CNTN5: variants seen among roughly 807,000 people sequenced by gnomAD.
CNTN5 encodes the protein contactin 5.
A neutral mutation model predicts 129.1 loss-of-function variants in CNTN5; 77 were observed. That is an observed-to-expected ratio of 0.60 (90% CI 0.50 to 0.72). The LOEUF (loss-of-function observed/expected upper bound fraction) is 0.72, where lower values mean the gene tolerates loss of function less well. CNTN5 is among the 30% of genes least tolerant of loss of function. CNTN5 has a pLI of 0.00. For synonymous variants in CNTN5, 509 were observed against 465.6 expected (o/e 1.09, Z -1.20); for missense variants, 1,478 against 1,328.8 (o/e 1.11, Z -1.75).
chr11:99,539,424 C>T (rs1201081206), intron 2 of CNTN5, among the ~76,000 whole-genome samples: 1 of 151,908 alleles, frequency 6.6e-6, no homozygotes, highest in Non-Finnish European at 1.5e-5. Context: ...TGATCTATTC[C>T]CTAAATCCTC....
intron 3 of CNTN5, among the ~76,000 whole-genome samples, chr11:99,691,197 A>C (rs551493423): frequency 1.6e-4 from 24 of 151,306 alleles, no homozygotes; most frequent in African/African-American, 1.5e-4. Context: ...CAAAAAAAAA[A>C]CCAGCACCTG....
chr11:99,227,638 T>C (rs76335869), intron 1 of CNTN5, among the ~76,000 whole-genome samples: 2,638 of 152,308 alleles, frequency 0.017, 41 homozygotes, highest in African/African-American at 0.038. Flanking sequence ...TTTGTCCTTG[T>C]GCTTCAATGC....
chr11:99,730,902 A>T (rs2135095728), intron 3 of CNTN5, among the ~76,000 whole-genome samples: 1 of 152,210 alleles, frequency 6.6e-6, no homozygotes, highest in Middle Eastern at 3.4e-3. Flanking sequence ...CTTCTACCTA[A>T]GTGTATGCAT....
chr11:99,034,047 T>C (rs1293983933), intron 1 of CNTN5, among the ~76,000 whole-genome samples: 2 of 152,132 alleles, frequency 1.3e-5, no homozygotes, highest in Admixed American at 6.5e-5. Flanking sequence ...TTGTCTTTGG[T>C]TCTGTTTATA....
chr11:99,136,300 T>C (rs748742135), intron 1 of CNTN5, among the ~76,000 whole-genome samples: 27 of 152,190 alleles, frequency 1.8e-4, no homozygotes, highest in Non-Finnish European at 1.6e-4. Flanking sequence ...TATTTCTATC[T>C]AGCATAGATC....
At chr11:99,882,965 T>C (rs1197010259) in intron 6 of CNTN5, among the ~76,000 whole-genome samples, 9 of 152,216 alleles carry the variant, frequency 5.9e-5, no homozygotes, top group Non-Finnish European at 5.9e-5. Flanking sequence ...TGAGAGCACA[T>C]GATGTTTGTC....
chr11:99,741,193 G>A (rs1421265029), intron 3 of CNTN5, among the ~76,000 whole-genome samples: 1 of 151,978 alleles, frequency 6.6e-6, no homozygotes, highest in Admixed American at 6.6e-5. Flanking sequence ...TAAATTATTG[G>A]GATTCTAATT....
intron 2 of CNTN5, among the ~76,000 whole-genome samples, chr11:99,519,943 T>A (rs1421260026): frequency 6.6e-6 from 1 of 152,078 alleles, no homozygotes; most frequent in Non-Finnish European, 1.5e-5. Flanking sequence ...AATAATTTAC[T>A]GTATTTTTCT....
At chr11:99,289,232 C>A (rs144757197) in intron 1 of CNTN5, among the ~76,000 whole-genome samples, 4 of 151,880 alleles carry the variant, frequency 2.6e-5, no homozygotes, top group African/African-American at 9.6e-5. Context: ...CCAGATATTT[C>A]TTTGTCGTTA....
At chr11:100,078,185 T>G (rs1394652645) in intron 13 of CNTN5, among the ~76,000 whole-genome samples, 1 of 152,196 alleles carries the variant, frequency 6.6e-6, no homozygotes, top group Admixed American at 6.6e-5. Flanking sequence ...TTTCTTTGTT[T>G]TCTTGAAGGT....
intron 6 of CNTN5, among the ~76,000 whole-genome samples, chr11:99,853,421 C>T (rs186410116): frequency 1.2e-4 from 18 of 151,324 alleles, no homozygotes; most frequent in African/African-American, 2.7e-4. Flanking sequence ...TTTTTTGAGA[C>T]GGAGTTTTAC....
chr11:100,085,053 G>A (rs1944496225), intron 13 of CNTN5, among the ~76,000 whole-genome samples: 1 of 152,030 alleles, frequency 6.6e-6, no homozygotes, highest in South Asian at 2.1e-4. Context: ...TAGAAGAGAG[G>A]GGTGGTGGGA....
chr11:99,614,443 T>C (rs1950695264), intron 3 of CNTN5, among the ~76,000 whole-genome samples: 1 of 152,160 alleles, frequency 6.6e-6, no homozygotes, highest in Non-Finnish European at 1.5e-5. Flanking sequence ...ATAGCTGACT[T>C]AAGGACTCCA....
chr11:99,350,869 T>C (rs1938250293), intron 2 of CNTN5, among the ~76,000 whole-genome samples: 1 of 152,118 alleles, frequency 6.6e-6, no homozygotes, highest in Non-Finnish European at 1.5e-5. Flanking sequence ...TAAAGTGCTT[T>C]GAAAATCCCA....
chr11:100,238,321 C>T (rs1183881695), intron 16 of CNTN5, among the ~76,000 whole-genome samples: 1 of 147,350 alleles, frequency 6.8e-6, no homozygotes, highest in Non-Finnish European at 1.5e-5. Flanking sequence ...AAAAATAACC[C>T]AGGATGGGAT....
rs774932237 is a variant in CNTN5 at position 100,340,535 on chromosome 11, G to C, written c.2803G>C (p.Val935Leu). 4.3e-6 allele frequency: 7 copies of C among 1,612,986 alleles called. No homozygotes were observed. Among genetic ancestry groups the C allele is most frequent in the African/African-American group, 2.7e-5 (2 of 74,874 alleles). Residue 935 changes from valine to leucine, a missense_variant, in exon 22 of 25, where the codon GTC becomes CTC. Coordinates refer to ENST00000524871, the MANE Select transcript of CNTN5 (RefSeq NM_014361.4). ...CAAAACTAGAGGGAATGAGTCTTTC[G>C]TCATCCTAACAGGATTAGAAGGAAA... ...TVKTRGNESF[V>L]ILTGLEGNTL...
intron 1 of CNTN5, among the ~76,000 whole-genome samples, chr11:99,101,415 C>T (rs1351687289): frequency 6.6e-6 from 1 of 152,172 alleles, no homozygotes; most frequent in African/African-American, 2.4e-5. Context: ...AGCATTAACT[C>T]AAAAGTCTAC....
At chr11:100,277,718 A>C (rs1298552737) in intron 18 of CNTN5, among the ~76,000 whole-genome samples, 1 of 151,842 alleles carries the variant, frequency 6.6e-6, no homozygotes, top group Admixed American at 6.6e-5. Flanking sequence ...CTGTTTATCA[A>C]TCCTTTGGCA....
chr11:100,104,044 T>C lies in CNTN5; in HGVS notation c.1580+29750T>C, dbSNP rs150636625. Among the ~76,000 whole-genome samples, 10 of 152,220 alleles carry C rather than the reference T, an allele frequency of 6.6e-5. No individual in the cohort carries two copies. In the East Asian group the frequency reaches 1.9e-3, roughly 29 times the overall value. On this transcript the variant is annotated intron_variant, in intron 13 of 24. Transcript: ENST00000524871. ...TAAATTATCTGCTTCTCACATATTA[T>C]TTTAAAACAAAACAGATGAAAGCTC... is the stretch of plus-strand genomic sequence containing the variant.
Sources: gnomAD v4.1 joint callset for allele counts (sites outside exome capture counted in the v4.1 genomes callset) on GRCh38, gnomAD v4.1.1 for gene constraint, MANE v1.5 for transcripts, NCBI Gene and HGNC (gene_info 2026-07-23, HGNC 2026-07-21) for gene names.